TRPM3: variants seen among roughly 807,000 people sequenced by gnomAD.
The protein encoded by TRPM3 is transient receptor potential cation channel subfamily M member 3, also known as long transient receptor potential channel 3.
TRPM3 carries 77 observed loss-of-function variants against 181.2 expected under a neutral mutation model. The observed-to-expected ratio is 0.42, with a 90% confidence interval of 0.35 to 0.51. TRPM3 has a LOEUF of 0.51. TRPM3 is among the 20% of genes least tolerant of loss of function. The pLI, the probability that TRPM3 is intolerant of heterozygous loss-of-function variation, is 0.01. For synonymous variants in TRPM3, 745 were observed against 796.4 expected (o/e 0.94, Z 1.09); for missense variants, 1,759 against 2,196.7 (o/e 0.80, Z 3.98).
At chr9:70,946,755 A>G (rs1589985204) in intron 1 of TRPM3, among the ~76,000 whole-genome samples, 2 of 152,098 alleles carry the variant, frequency 1.3e-5, no homozygotes, top group Non-Finnish European at 1.5e-5. Context: ...TCCCCCAACC[A>G]AAGTATTCAA....
chr9:71,056,838 T>C (rs778026133), intron 1 of TRPM3, among the ~76,000 whole-genome samples: 8 of 151,994 alleles, frequency 5.3e-5, no homozygotes, highest in Non-Finnish European at 1.2e-4. Context: ...ACCCAGTGTA[T>C]GTTACTTTGT....
rs187946211 is a variant in TRPM3, at chr9:71,364,730, A to G, written c.183+81923T>C. Among the ~76,000 whole-genome samples the G allele has an allele frequency of 1.3e-3, 197 of 152,326 alleles. 1 individual carries two copies. Among genetic ancestry groups the G allele is most frequent in the Non-Finnish European group, 1.9e-3 (128 of 68,024 alleles). On this transcript the variant is annotated intron_variant, in intron 1 of 24. Coordinates refer to the TRPM3 transcript ENST00000357533. ...CAGCTTGAGAGTAGTATGTCTCATTAAGTAAAATGTCTTCTATCATTCTGG... is the reference window on the plus strand; with the variant it reads ...CAGCTTGAGAGTAGTATGTCTCATTGAGTAAAATGTCTTCTATCATTCTGG...
intron 21 of TRPM3, among the ~76,000 whole-genome samples, chr9:70,591,535 T>G (rs1208590145): frequency 6.6e-6 from 1 of 152,208 alleles, no homozygotes; most frequent in Non-Finnish European, 1.5e-5. Context: ...CTTAGGCCTC[T>G]GTGTGAATCA....
chr9:71,031,684 A>G (rs932598359), intron 1 of TRPM3, among the ~76,000 whole-genome samples: 1 of 151,764 alleles, frequency 6.6e-6, no homozygotes, highest in African/African-American at 2.4e-5. Flanking sequence ...TGGGAGATTT[A>G]TACATTCCCT....
chr9:70,554,342 G>T (rs1235999772), intron 22 of TRPM3, among the ~76,000 whole-genome samples: 3 of 152,184 alleles, frequency 2.0e-5, no homozygotes, highest in Non-Finnish European at 4.4e-5. Context: ...GTAAAAGGTG[G>T]TTGGGGGGAG....
chr9:71,351,870 GTTTTTGTTTTTT>G (rs2091649070), intron 1 of TRPM3, among the ~76,000 whole-genome samples: 1 of 95,684 alleles, frequency 1.0e-5, no homozygotes, highest in African/African-American at 4.0e-5. Context: ...TTGTTTGTTT[GTTTTTGTTTTTT>G]TTTTTTTTTT....
intron 1 of TRPM3, among the ~76,000 whole-genome samples, chr9:71,099,644 G>A (rs1251912219): frequency 6.6e-6 from 1 of 152,106 alleles, no homozygotes; most frequent in Non-Finnish European, 1.5e-5. Flanking sequence ...AGCCCATTAT[G>A]CCAACCATCC....
rs540844038 is a variant in TRPM3, at chr9:70,627,991, C to T, written c.1633-2474G>A. ...GGCAAAAAATATTAAAAAGGGAGCT[C>T]AGAGAAAGTTTTAAGATAGTAACTT... On this transcript the variant is annotated intron_variant, in intron 12 of 25. Transcript: ENST00000677713. Among the ~76,000 whole-genome samples the T allele has an allele frequency of 4.0e-4, 61 of 152,304 alleles. 4 individuals are homozygous for T. The South Asian group carries it at 0.012, about 30-fold the overall frequency.
At chr9:71,057,347 G>T (rs12553795) in intron 1 of TRPM3, among the ~76,000 whole-genome samples, 9,696 of 152,066 alleles carry the variant, frequency 0.064, 481 homozygotes, top group African/African-American at 0.13. Flanking sequence ...TTCTGCTTTT[G>T]TATTTGAAGC....
chr9:71,323,016 T>G, intron 1 of TRPM3, among the ~76,000 whole-genome samples: 1 of 152,140 alleles, frequency 6.6e-6, no homozygotes, highest in East Asian at 1.9e-4. Context: ...TTGTTAAATT[T>G]TAAAAAAGAT....
At chr9:70,936,664 GC>G (rs1271597850) in intron 1 of TRPM3, among the ~76,000 whole-genome samples, 1 of 152,106 alleles carries the variant, frequency 6.6e-6, no homozygotes, top group Admixed American at 6.6e-5. Flanking sequence ...TGCTCCAGGG[GC>G]TTTTGTTTCA....
chr9:70,941,283 T>C (rs1346954708), intron 1 of TRPM3, among the ~76,000 whole-genome samples: 2 of 152,208 alleles, frequency 1.3e-5, no homozygotes, highest in African/African-American at 2.4e-5. Flanking sequence ...CTGAGTCTTC[T>C]AGCCTTCATC....
chr9:71,178,773 C>T (rs572915514), intron 1 of TRPM3, among the ~76,000 whole-genome samples: 6 of 152,134 alleles, frequency 3.9e-5, no homozygotes, highest in South Asian at 2.1e-4. Context: ...CTAAACGTGA[C>T]GCACAAATGT....
At chr9:71,356,790 T>A (rs1222567288) in intron 1 of TRPM3, among the ~76,000 whole-genome samples, 1 of 152,092 alleles carries the variant, frequency 6.6e-6, no homozygotes, top group African/African-American at 2.4e-5. Context: ...CTTACTCCCT[T>A]GTGTATTCCA....
chr9:70,613,260 G>A (rs2062253551), intron 18 of TRPM3, among the ~76,000 whole-genome samples: 1 of 152,044 alleles, frequency 6.6e-6, no homozygotes, highest in Non-Finnish European at 1.5e-5. Flanking sequence ...AATCTAACAG[G>A]GTCAAATATA....
At chr9:71,241,147 G>C (rs2081643707) in intron 1 of TRPM3, among the ~76,000 whole-genome samples, 1 of 152,090 alleles carries the variant, frequency 6.6e-6, no homozygotes, top group African/African-American at 2.4e-5. Flanking sequence ...AAATCTAATA[G>C]TTCGTCTAAG....
intron 24 of TRPM3, among the ~76,000 whole-genome samples, chr9:70,550,403 A>C (rs1479838328): frequency 6.6e-6 from 1 of 152,236 alleles, no homozygotes; most frequent in Non-Finnish European, 1.5e-5. Context: ...AAATAGAAGG[A>C]ATCTGGATCT....
chr9:71,240,251 T>C (rs1477915748), intron 1 of TRPM3, among the ~76,000 whole-genome samples: 5 of 152,162 alleles, frequency 3.3e-5, no homozygotes, highest in Non-Finnish European at 5.9e-5. Context: ...TATTTTAACA[T>C]TGAATAATTA....
At chr9:71,372,584 T>A (rs2132811003) in intron 1 of TRPM3, among the ~76,000 whole-genome samples, 1 of 152,314 alleles carries the variant, frequency 6.6e-6, no homozygotes, top group South Asian at 2.1e-4. Context: ...TGGTTTTAAT[T>A]TGCATTTCTG....
Sources: gnomAD v4.1 joint callset for allele counts (sites outside exome capture counted in the v4.1 genomes callset) on GRCh38, gnomAD v4.1.1 for gene constraint, MANE v1.5 for transcripts, NCBI Gene and HGNC (gene_info 2026-07-23, HGNC 2026-07-21) for gene names.